MACROD2: variants seen among roughly 807,000 people sequenced by gnomAD.
MACROD2 encodes the protein ADP-ribose glycohydrolase MACROD2.
Under a neutral mutation model 70.4 loss-of-function variants are expected in MACROD2, and 36 were observed. The observed-to-expected ratio is 0.51, with a 90% confidence interval of 0.39 to 0.68. The LOEUF (loss-of-function observed/expected upper bound fraction) is 0.68. Among genes scored for constraint, MACROD2 ranks in the 30% least tolerant of loss-of-function variants. The probability of loss-of-function intolerance (pLI) is 0.00; values close to 1 mark genes in which losing one functional copy is unlikely to be tolerated. For synonymous variants in MACROD2, 172 were observed against 178.8 expected (o/e 0.96, Z 0.30); for missense variants, 496 against 538.4 (o/e 0.92, Z 0.78).
At chr20:14,729,796 C>T (rs534228487) in intron 5 of MACROD2, among the ~76,000 whole-genome samples, 1 of 151,678 alleles carries the variant, frequency 6.6e-6, no homozygotes, top group Non-Finnish European at 1.5e-5. Context: ...TGAAAAAAAG[C>T]ACTAAATGTA....
At chr20:14,767,471 T>C (rs1342156568) in intron 5 of MACROD2, among the ~76,000 whole-genome samples, 1 of 151,960 alleles carries the variant, frequency 6.6e-6, no homozygotes, top group Non-Finnish European at 1.5e-5. Context: ...AGATGAAAGA[T>C]ACTGAGTGTC....
chr20:14,676,294 A>T (rs1600527190), intron 4 of MACROD2, among the ~76,000 whole-genome samples: 1 of 152,026 alleles, frequency 6.6e-6, no homozygotes, highest in African/African-American at 2.4e-5. Context: ...TCCACAACAC[A>T]CTTATTCCAC....
intron 7 of MACROD2, among the ~76,000 whole-genome samples, chr20:15,463,189 C>G (rs1461253474): frequency 1.3e-5 from 2 of 152,194 alleles, no homozygotes; most frequent in Non-Finnish European, 2.9e-5. Flanking sequence ...CATTACACTA[C>G]ATTCCATGTG....
intron 3 of MACROD2, among the ~76,000 whole-genome samples, chr20:14,486,540 A>G (rs2084734845): frequency 1.4e-5 from 1 of 70,088 alleles, no homozygotes; most frequent in African/African-American, 6.9e-5. Context: ...TTTTTTTGAG[A>G]CAGAGTTTCA....
At chr20:14,952,694 G>A (rs1038354718) in intron 5 of MACROD2, among the ~76,000 whole-genome samples, 2 of 151,884 alleles carry the variant, frequency 1.3e-5, no homozygotes, top group Non-Finnish European at 2.9e-5. Flanking sequence ...ATCATCAGTG[G>A]AAATATATTT....
intron 5 of MACROD2, chr20:15,196,951 C>A (rs554522778): frequency 2.4e-4 from 232 of 985,194 alleles, no homozygotes; most frequent in Non-Finnish European, 2.7e-4. Context: ...AAAATTGGAG[C>A]CCTTTGGGCC....
At chr20:15,880,196 C>A (rs1160440244) in intron 9 of MACROD2, among the ~76,000 whole-genome samples, 4 of 152,070 alleles carry the variant, frequency 2.6e-5, no homozygotes, top group African/African-American at 9.7e-5. Flanking sequence ...TAAAATTAAC[C>A]ATCACTCCTG....
chr20:15,585,715 C>T (rs1035053068), intron 8 of MACROD2, among the ~76,000 whole-genome samples: 1 of 152,162 alleles, frequency 6.6e-6, no homozygotes, highest in African/African-American at 2.4e-5. Flanking sequence ...AATCATCCGT[C>T]TTAATAGCAG....
At chr20:15,691,206 T>A (rs1220785631) in intron 8 of MACROD2, among the ~76,000 whole-genome samples, 1 of 152,208 alleles carries the variant, frequency 6.6e-6, no homozygotes, top group African/African-American at 2.4e-5. Flanking sequence ...GTCATTTCCC[T>A]GCTCTTCATT....
chr20:15,502,608 A>T (rs923775817), intron 8 of MACROD2, among the ~76,000 whole-genome samples: 6 of 152,194 alleles, frequency 3.9e-5, no homozygotes, highest in African/African-American at 1.4e-4. Context: ...TGGCAGACCA[A>T]TTAAGAGGAT....
At chr20:15,240,296 G>A (rs560391120) in intron 6 of MACROD2, among the ~76,000 whole-genome samples, 1 of 152,028 alleles carries the variant, frequency 6.6e-6, no homozygotes, top group South Asian at 2.1e-4. Context: ...AAATCTGCTC[G>A]CTTAGTTATT....
intron 3 of MACROD2, among the ~76,000 whole-genome samples, chr20:14,320,877 G>T (rs2082653555): frequency 6.6e-6 from 1 of 152,054 alleles, no homozygotes; most frequent in African/African-American, 2.4e-5. Flanking sequence ...TTCATAACCA[G>T]TATGTGCTTT....
chr20:14,973,637 T>G (rs1483531227), intron 5 of MACROD2, among the ~76,000 whole-genome samples: 3 of 152,180 alleles, frequency 2.0e-5, no homozygotes, highest in African/African-American at 7.2e-5. Flanking sequence ...GGGAAAGGTT[T>G]CAGAGAGAGA....
At chr20:14,013,614 A>G (rs947447524) in intron 2 of MACROD2, among the ~76,000 whole-genome samples, 4 of 146,380 alleles carry the variant, frequency 2.7e-5, no homozygotes, top group East Asian at 2.0e-4. Context: ...CAACACATCA[A>G]TTTCATTGTG....
At chr20:16,006,744 G>A (rs936692939) in intron 15 of MACROD2, among the ~76,000 whole-genome samples, 6 of 152,096 alleles carry the variant, frequency 3.9e-5, no homozygotes, top group Non-Finnish European at 2.9e-5. Context: ...CTCAGGTGTT[G>A]GGTAATAGGA....
intron 3 of MACROD2, among the ~76,000 whole-genome samples, chr20:14,177,735 A>T (rs2081274779): frequency 6.6e-6 from 1 of 152,212 alleles, no homozygotes; most frequent in Admixed American, 6.5e-5. Flanking sequence ...AGCATGTGAT[A>T]AATATAGCAT....
intron 8 of MACROD2, among the ~76,000 whole-genome samples, chr20:15,832,444 C>T (rs2064066742): frequency 6.6e-6 from 1 of 152,130 alleles, no homozygotes; most frequent in African/African-American, 2.4e-5. Flanking sequence ...GGGGGTGGTG[C>T]TGTCACCTGC....
chr20:15,815,954 T>A (rs2063869507), intron 8 of MACROD2, among the ~76,000 whole-genome samples: 1 of 152,146 alleles, frequency 6.6e-6, no homozygotes, highest in Non-Finnish European at 1.5e-5. Context: ...TATTAATGTG[T>A]CAAGCTGACA....
intron 3 of MACROD2, among the ~76,000 whole-genome samples, chr20:14,386,098 C>T (rs2083465527): frequency 6.6e-6 from 1 of 152,160 alleles, no homozygotes; most frequent in African/African-American, 2.4e-5. Context: ...ATTTAGTTTT[C>T]ATCATAACTT....
Sources: allele counts gnomAD v4.1 joint callset (sites outside exome capture counted in the v4.1 genomes callset), GRCh38; gene constraint gnomAD v4.1.1; transcripts MANE v1.5; gene names NCBI Gene and HGNC (gene_info 2026-07-23, HGNC 2026-07-21).